The following LDLRAD3 variants were observed in gnomAD, a reference collection of about 807,000 sequenced individuals.
LDLRAD3 encodes low density lipoprotein receptor class A domain containing 3.
LDLRAD3 carries 20 observed loss-of-function variants against 29.4 expected under a neutral mutation model. The observed-to-expected ratio is 0.68, with a 90% CI of 0.48 to 0.99. The LOEUF (loss-of-function observed/expected upper bound fraction) is 0.99, where lower values mean the gene tolerates loss of function less well. Among genes scored for constraint, LDLRAD3 ranks in the 50% least tolerant of loss-of-function variants. The pLI is 0.00. For synonymous variants in LDLRAD3, 157 were observed against 192.7 expected (o/e 0.81, Z 1.53); for missense variants, 420 against 454.3 (o/e 0.92, Z 0.69).
chr11:35,962,486 C>A (rs905402696), intron 1 of LDLRAD3, among the ~76,000 whole-genome samples: 19 of 152,252 alleles, frequency 1.2e-4, no homozygotes, highest in South Asian at 2.1e-4. Flanking sequence ...GGCTGATGAT[C>A]ATTTTCCATA....
At position 36,116,730 on chromosome 11, in the gene LDLRAD3, TA is replaced by T. The variant is rs760175922; in HGVS notation, c.454+18271del. Among the ~76,000 whole-genome samples, 12 of 152,186 alleles carry T rather than the reference TA, an allele frequency of 7.9e-5. No homozygotes were observed. In the South Asian group the frequency reaches 1.9e-3, roughly 24 times the overall value. ...CTGGCACTAGTTTAAAAGCCACGTG[TA>T]ATTCTTGATTAGTTTTCTTGATTAG... On this transcript the variant is annotated intron_variant, in intron 4 of 5. Transcript: ENST00000315571.
chr11:36,132,971 T>C (rs1853948170), intron 4 of LDLRAD3, among the ~76,000 whole-genome samples: 1 of 152,206 alleles, frequency 6.6e-6, no homozygotes, highest in Non-Finnish European at 1.5e-5. Context: ...AGAATGAGTT[T>C]TATAGTGTTT....
At chr11:36,148,099 G>C (rs563486855) in intron 4 of LDLRAD3, among the ~76,000 whole-genome samples, 1 of 152,164 alleles carries the variant, frequency 6.6e-6, no homozygotes, top group African/African-American at 2.4e-5. Flanking sequence ...TTGAACTCCT[G>C]ACCTCAGTGA....
rs1308157775 is a variant in LDLRAD3, at chr11:35,984,971, A to G, written c.46+40827A>G. ...TTTTTTTTCCCTGAGACAGGGTCCC[A>G]CTATGTGCAGTGGCATGAACATAGC... On this transcript the variant is annotated intron_variant, in intron 1 of 5. Transcript: ENST00000315571. Among the ~76,000 whole-genome samples, 3 of 119,640 alleles carry G rather than the reference A, an allele frequency of 2.5e-5. No individual in the cohort carries two copies. In the East Asian group the frequency reaches 7.0e-4, roughly 28 times the overall value. The allele number at this position is 119,640 out of a possible 152,430, so 78.5% of individuals were successfully genotyped here. A position where few individuals can be genotyped will look rare whatever the true frequency, so the allele number is the denominator to read the frequency against.
At chr11:36,008,546 G>A (rs927759651) in intron 1 of LDLRAD3, among the ~76,000 whole-genome samples, 15 of 152,154 alleles carry the variant, frequency 9.9e-5, no homozygotes, top group African/African-American at 2.9e-4. Context: ...CGATACACAG[G>A]CAATTCTTTG....
chr11:36,080,718 G>T (rs939226093), intron 2 of LDLRAD3, among the ~76,000 whole-genome samples: 2 of 152,110 alleles, frequency 1.3e-5, no homozygotes, highest in African/African-American at 4.8e-5. Flanking sequence ...TACAGCAAAG[G>T]GATACAAAGC....
intron 1 of LDLRAD3, among the ~76,000 whole-genome samples, chr11:35,957,842 C>T (rs1424540606): frequency 1.3e-5 from 2 of 149,084 alleles, no homozygotes; most frequent in African/African-American, 2.5e-5. Flanking sequence ...AATACAATGC[C>T]GTACACATCT....
intron 4 of LDLRAD3, among the ~76,000 whole-genome samples, chr11:36,100,184 A>G (rs1481676865): frequency 1.3e-5 from 2 of 152,180 alleles, no homozygotes. Flanking sequence ...ATTCTAATGC[A>G]CACTGAAGGC....
chr11:36,169,936 G>A (rs185267579), intron 4 of LDLRAD3, among the ~76,000 whole-genome samples: 63 of 152,066 alleles, frequency 4.1e-4, no homozygotes, highest in Non-Finnish European at 6.8e-4. Flanking sequence ...GTTCTTTAGC[G>A]GTAATTTCTG....
chr11:35,973,565 A>G (rs1236071339), intron 1 of LDLRAD3, among the ~76,000 whole-genome samples: 4 of 151,954 alleles, frequency 2.6e-5, no homozygotes, highest in Non-Finnish European at 4.4e-5. Context: ...CCTGGGTTCA[A>G]GCTATTCTTC....
chr11:35,961,824 C>G (rs1028256762), intron 1 of LDLRAD3, among the ~76,000 whole-genome samples: 1 of 152,116 alleles, frequency 6.6e-6, no homozygotes, highest in African/African-American at 2.4e-5. Flanking sequence ...TACAGGCATG[C>G]AGTGTTTCAT....
At chr11:36,196,614 G>GT (rs1855036941) in intron 4 of LDLRAD3, 1 of 152,190 alleles carries the variant, frequency 6.6e-6, no homozygotes, top group Non-Finnish European at 1.5e-5. Context: ...AGCATGTTGG[G>GT]TTTTACCCTG....
At chr11:35,978,273 T>C (rs1436555107) in intron 1 of LDLRAD3, among the ~76,000 whole-genome samples, 1 of 152,202 alleles carries the variant, frequency 6.6e-6, no homozygotes, top group Non-Finnish European at 1.5e-5. Context: ...AAATCCAAAC[T>C]GTAGTCGTTT....
At chr11:36,203,787 C>T (rs768956850) in intron 4 of LDLRAD3, among the ~76,000 whole-genome samples, 9 of 152,108 alleles carry the variant, frequency 5.9e-5, no homozygotes, top group Non-Finnish European at 1.3e-4. Context: ...ATGCATAACC[C>T]CAGAAGGCTT....
At chr11:36,035,961 C>T (rs1852298558) in intron 1 of LDLRAD3, 142 bp from the exon 2 acceptor site, 1 of 719,724 alleles carries the variant, frequency 1.4e-6, no homozygotes, top group Non-Finnish European at 2.2e-6. Flanking sequence ...TAGTCCATTT[C>T]ACAGATGAGG....
chr11:36,195,303 G>C (rs577320391), intron 4 of LDLRAD3, among the ~76,000 whole-genome samples: 1 of 130,920 alleles, frequency 7.6e-6, no homozygotes, highest in South Asian at 2.5e-4. Context: ...AAGCATAGAA[G>C]CATCGTACTA....
intron 4 of LDLRAD3, among the ~76,000 whole-genome samples, chr11:36,211,237 C>A (rs1472598515): frequency 6.9e-6 from 1 of 145,902 alleles, no homozygotes. Flanking sequence ...AAAACTTTAT[C>A]TATGAAAGCA....
At chr11:36,202,433 T>A (rs1855140771) in intron 4 of LDLRAD3, among the ~76,000 whole-genome samples, 2 of 152,172 alleles carry the variant, frequency 1.3e-5, no homozygotes. Flanking sequence ...GTTGAGCCAT[T>A]CCTACAGGCC....
chr11:36,123,181 C>G (rs867605575), intron 4 of LDLRAD3, among the ~76,000 whole-genome samples: 2 of 151,838 alleles, frequency 1.3e-5, no homozygotes, highest in Non-Finnish European at 2.9e-5. Flanking sequence ...AGCGAGACTC[C>G]GTCTCAAAAT....
Sources: gnomAD v4.1 joint callset for allele counts (sites outside exome capture counted in the v4.1 genomes callset) on GRCh38, gnomAD v4.1.1 for gene constraint, MANE v1.5 for transcripts, NCBI Gene and HGNC (gene_info 2026-07-23, HGNC 2026-07-21) for gene names.